Variants in PMFBP1 observed in about 807,000 individuals in gnomAD.
The protein encoded by PMFBP1 is polyamine-modulated factor 1-binding protein 1.
In PMFBP1, 131 loss-of-function variants were observed where a neutral mutation model predicts 137.8. That is an observed-to-expected ratio of 0.95 (90% CI 0.82 to 1.10). The LOEUF (loss-of-function observed/expected upper bound fraction) is 1.10. Ranked by LOEUF, PMFBP1 falls within the 50% of genes least tolerant of loss-of-function variation. PMFBP1 has a pLI of 0.00. For missense variants in PMFBP1, 1,199 were observed against 1,175.4 expected (o/e 1.02, Z -0.29); for synonymous variants, 490 against 450.4 (o/e 1.09, Z -1.11).
intron 13 of PMFBP1, 111 bp downstream of exon 13, chr16:72,128,955 C>G: frequency 2.6e-6 from 4 of 1,516,502 alleles, no homozygotes; most frequent in African/African-American, 2.8e-5. Context: ...CTGTCCCTCC[C>G]GTCTTTCCTA....
chr16:72,200,955 G>A, the PMFBP1 span, among the ~76,000 whole-genome samples: 6 of 152,292 alleles, frequency 3.9e-5, no homozygotes, highest in South Asian at 2.1e-4. Context: ...GGACCTGGCC[G>A]TGGGGGGTCC....
At chr16:72,219,802 C>T in the PMFBP1 span, among the ~76,000 whole-genome samples, 1 of 152,168 alleles carries the variant, frequency 6.6e-6, no homozygotes, top group Non-Finnish European at 1.5e-5. Context: ...GAGATAATGT[C>T]CTCAATTTTC....
chr16:72,191,413 A>C, the PMFBP1 span, among the ~76,000 whole-genome samples: 4 of 152,242 alleles, frequency 2.6e-5, no homozygotes, highest in African/African-American at 9.6e-5. Flanking sequence ...AATATTTTTC[A>C]AGTGATTTAT....
Position 72,136,491 on chromosome 16 carries a change from A to G in PMFBP1, c.1160T>C (p.Leu387Pro). Residue 387 changes from leucine (L) to proline (P), a missense_variant, in exon 9 of 21, where the codon CTG becomes CCG. By Grantham distance (98) the Leu-to-Pro change is moderately conservative (BLOSUM62 -3). Transcript: ENST00000237353. Reference sequence around the variant, plus strand: ...GAGCTTTTGGGTCTCGGTGAACTCCAGCTGCAGCTCCTGCAGCCGGCACTG... The same window carrying G: ...GAGCTTTTGGGTCTCGGTGAACTCCGGCTGCAGCTCCTGCAGCCGGCACTG... ...ILQCRLQELQLEFTETQKLTL... is the reference protein window; with the variant it reads ...ILQCRLQELQPEFTETQKLTL... 5 of 1,613,752 alleles carry G rather than the reference A, an allele frequency of 3.1e-6. No homozygotes were observed. Among genetic ancestry groups the G allele is most frequent in the Non-Finnish European group, 4.2e-6 (5 of 1,179,866 alleles).
At chr16:72,133,889 G>A (rs1334972935) in intron 9 of PMFBP1, among the ~76,000 whole-genome samples, 2 of 152,150 alleles carry the variant, frequency 1.3e-5, no homozygotes, top group Non-Finnish European at 2.9e-5. Context: ...GGCCGAGGCA[G>A]GTGGATCACT....
intron 5 of PMFBP1, among the ~76,000 whole-genome samples, chr16:72,141,817 T>G (rs894874886): frequency 6.6e-6 from 1 of 152,158 alleles, no homozygotes; most frequent in African/African-American, 2.4e-5. Flanking sequence ...CAGATCATAT[T>G]TAAAATTGGA....
chr16:72,118,816 T>C (rs544371169), downstream of PMFBP1, among the ~76,000 whole-genome samples: 1 of 152,318 alleles, frequency 6.6e-6, no homozygotes, highest in African/African-American at 2.4e-5. Flanking sequence ...ACAGCCCTTA[T>C]TGCTCTTCCT....
chr16:72,209,017 T>C, the PMFBP1 span, among the ~76,000 whole-genome samples: 2 of 152,242 alleles, frequency 1.3e-5, no homozygotes, highest in African/African-American at 4.8e-5. Flanking sequence ...CCTAGTTCCA[T>C]GTTTCACCAG....
the PMFBP1 span, among the ~76,000 whole-genome samples, chr16:72,204,886 G>C: frequency 1.3e-5 from 2 of 152,202 alleles, no homozygotes; most frequent in Non-Finnish European, 2.9e-5. Flanking sequence ...TGTGGCTAGT[G>C]TGACTGAGGA....
intron 17 of PMFBP1, 96 bp downstream of exon 17, chr16:72,124,671 C>T: frequency 6.9e-7 from 1 of 1,455,494 alleles, no homozygotes. Context: ...CTCCCAGGCT[C>T]TCCCACCCCC....
At chr16:72,120,919 G>A (rs2042368207) in intron 19 of PMFBP1, among the ~76,000 whole-genome samples, 1 of 152,170 alleles carries the variant, frequency 6.6e-6, no homozygotes, top group African/African-American at 2.4e-5. Context: ...AAGATGAAAT[G>A]AGCTCATATG....
the PMFBP1 span, among the ~76,000 whole-genome samples, chr16:72,242,335 G>A: frequency 6.6e-6 from 1 of 152,196 alleles, no homozygotes; most frequent in African/African-American, 2.4e-5. Flanking sequence ...GAGAAAGAAT[G>A]AGAGGGAAAA....
chr16:72,128,842 A>T (rs1162515535), intron 13 of PMFBP1, 48 bp from the exon 14 acceptor site: 2 of 1,609,932 alleles, frequency 1.2e-6, no homozygotes, highest in Non-Finnish European at 1.7e-6. Flanking sequence ...TGTTAATCTC[A>T]GATAACTATA....
chr16:72,128,389 T>C (rs546368519), intron 14 of PMFBP1: 3 of 1,402,238 alleles, frequency 2.1e-6, no homozygotes, highest in Non-Finnish European at 2.8e-6. Context: ...TGGTCTAAAA[T>C]GTAACATTGG....
At chr16:72,187,563 A>C in the PMFBP1 span, among the ~76,000 whole-genome samples, 1 of 152,306 alleles carries the variant, frequency 6.6e-6, no homozygotes, top group Non-Finnish European at 1.5e-5. Context: ...GAACCCGTTT[A>C]TATTGCAAAG....
Position 72,132,742 on chromosome 16 carries a change from C to A in PMFBP1, c.1447+6G>T. 1 of 1,614,154 alleles carries A rather than the reference C, an allele frequency of 6.2e-7. No individual in the cohort carries two copies. Among genetic ancestry groups the A allele is most frequent in the Non-Finnish European group, 8.5e-7 (1 of 1,180,020 alleles). ...TGTGGTGGGACAGCACCTGCAGGGG[C>A]CTCACCAGCCAGCCTCTCCTGCTGC... On this transcript the variant is annotated splice_donor_region_variant and intron_variant, in intron 10 of 20. Coordinates refer to ENST00000237353, the MANE Select transcript of PMFBP1 (RefSeq NM_031293.3).
chr16:72,190,763 C>T, the PMFBP1 span, among the ~76,000 whole-genome samples: 1 of 152,110 alleles, frequency 6.6e-6, no homozygotes, highest in East Asian at 1.9e-4. Context: ...AGCACACACT[C>T]TTTGGGGCAC....
At chr16:72,185,875 A>G in the PMFBP1 span, among the ~76,000 whole-genome samples, 1 of 152,258 alleles carries the variant, frequency 6.6e-6, no homozygotes, top group Admixed American at 6.5e-5. Flanking sequence ...AGGTAGACCA[A>G]TATGAGAAGC....
At chr16:72,125,092 CCT>C (rs770821620) in intron 16 of PMFBP1, 144 bp downstream of exon 16, 383 of 1,375,624 alleles carry the variant, frequency 2.8e-4, no homozygotes, top group Non-Finnish European at 3.7e-4. Context: ...ATCTTTGCTG[CCT>C]CTGTCTGAAG....
Sources: gnomAD v4.1 joint callset for allele counts (sites outside exome capture counted in the v4.1 genomes callset) on GRCh38, gnomAD v4.1.1 for gene constraint, MANE v1.5 for transcripts, NCBI Gene and HGNC (gene_info 2026-07-23, HGNC 2026-07-21) for gene names.